TDRP: variants seen among roughly 807,000 people sequenced by gnomAD.
TDRP encodes the protein testis development-related protein.
A neutral mutation model predicts 10.5 loss-of-function variants in TDRP; 12 were observed. That is an observed-to-expected ratio of 1.15 (90% CI 0.73 to 1.86). TDRP has a LOEUF of 1.86. Ranked by LOEUF, TDRP falls within the 40% of genes most tolerant of loss-of-function variation. The probability of loss-of-function intolerance (pLI) is 0.00; values close to 1 mark genes in which losing one functional copy is unlikely to be tolerated. For missense variants in TDRP, 353 were observed against 229.2 expected (o/e 1.54, Z -3.49); for synonymous variants, 139 against 95.4 (o/e 1.46, Z -2.67).
chr8:536,582 G>C (rs1242621189), intron 1 of TDRP, among the ~76,000 whole-genome samples: 1 of 152,054 alleles, frequency 6.6e-6, no homozygotes, highest in African/African-American at 2.4e-5. Flanking sequence ...TCTTGTGCTG[G>C]TAAATGTAAA....
intron 1 of TDRP, among the ~76,000 whole-genome samples, chr8:535,116 A>G (rs1158680025): frequency 6.6e-6 from 1 of 152,224 alleles, no homozygotes; most frequent in South Asian, 2.1e-4. Context: ...CATCTGAAAG[A>G]TTAGAAAGCT....
At chr8:498,448 T>C (rs180980627) in intron 1 of TDRP, among the ~76,000 whole-genome samples, 1 of 152,204 alleles carries the variant, frequency 6.6e-6, no homozygotes, top group Non-Finnish European at 1.5e-5. Context: ...TCCCTTTTGT[T>C]GTGGGTGCAT....
intron 1 of TDRP, among the ~76,000 whole-genome samples, chr8:503,726 C>T (rs1244451163): frequency 6.7e-6 from 1 of 148,902 alleles, no homozygotes; most frequent in East Asian, 2.0e-4. Flanking sequence ...TCCAGAGCTA[C>T]ACATCAGAAC....
intron 1 of TDRP, among the ~76,000 whole-genome samples, chr8:533,752 C>T (rs1802270175): frequency 6.6e-6 from 1 of 152,050 alleles, no homozygotes; most frequent in African/African-American, 2.4e-5. Context: ...TTTTCTATCC[C>T]CCTCCCCCGA....
chr8:501,772 G>C (rs1801308859), intron 1 of TDRP, among the ~76,000 whole-genome samples: 1 of 152,204 alleles, frequency 6.6e-6, no homozygotes, highest in East Asian at 1.9e-4. Context: ...ACCATGTGCA[G>C]GGCCAGCATG....
At chr8:503,271 G>C (rs114922424) in intron 1 of TDRP, among the ~76,000 whole-genome samples, 2,513 of 123,974 alleles carry the variant, frequency 0.02, 33 homozygotes, top group Middle Eastern at 0.036. Context: ...AGCCACACTA[G>C]GGCAACCCAC....
chr8:524,957 C>A (rs1307103179), intron 1 of TDRP, among the ~76,000 whole-genome samples: 2 of 152,096 alleles, frequency 1.3e-5, no homozygotes, highest in Non-Finnish European at 2.9e-5. Context: ...TATTCAAGTA[C>A]AAGAAGATTA....
rs138597904 is a variant in TDRP at position 534,911 on chromosome 8, A to G, written c.108+9739T>C. On this transcript the variant is annotated intron_variant, in intron 1 of 2. Transcript: ENST00000324079. ...TGCCCAGCACATGGCAGGCACCAGTATCATTATCCAGGATTCTATCCTCCA... is the reference window on the plus strand; with the variant it reads ...TGCCCAGCACATGGCAGGCACCAGTGTCATTATCCAGGATTCTATCCTCCA... Among the ~76,000 whole-genome samples, 80 of 152,314 alleles carry G rather than the reference A, an allele frequency of 5.3e-4. 1 individual carries two copies. The East Asian group carries it at 0.015, about 29-fold the overall frequency.
At position 495,206 on chromosome 8, in the gene TDRP, GC is replaced by G. The variant is rs561102226; in HGVS notation, c.109-610del. On this transcript the variant is annotated intron_variant, in intron 1 of 2. Coordinates refer to ENST00000324079, the MANE Select transcript of TDRP (RefSeq NM_001384899.1). ...CTGTGATCTCACCACTGCACTCCAG[GC>G]TGGGCAACAGAGCAAGACCCCATCT... 8.0e-4 allele frequency among the ~76,000 whole-genome samples: 121 copies of G among 152,186 alleles called. 1 individual carries two copies. The South Asian group carries it at 0.015, about 19-fold the overall frequency.
chr8:534,386 G>C (rs1273797666), intron 1 of TDRP, among the ~76,000 whole-genome samples: 1 of 152,206 alleles, frequency 6.6e-6, no homozygotes, highest in African/African-American at 2.4e-5. Flanking sequence ...AACAATGTGT[G>C]ACCTTGTTTT....
At chr8:541,028 T>G (rs1021489276) in intron 1 of TDRP, among the ~76,000 whole-genome samples, 1 of 152,220 alleles carries the variant, frequency 6.6e-6, no homozygotes, top group Non-Finnish European at 1.5e-5. Context: ...ACAGATTCAT[T>G]AAATCCTATT....
Position 544,705 on chromosome 8 carries a change from T to C in TDRP, c.53A>G (p.Glu18Gly). ...RVLLDEPPEE[E>G]DGLRGGPPPA... is the part of the protein sequence containing the mutation. The stretch of plus-strand genomic sequence containing the variant: ...TGGCGGCCCCCCACGCAGGCCGTCC[T>C]CCTCCTCGGGGGGCTCGTCCAGCAG... The change falls in exon 1 of 3, where the codon GAG becomes GGG. Residue 18 changes from glutamate (E) to glycine (G), a missense_variant. Coordinates refer to ENST00000324079, the MANE Select transcript of TDRP (RefSeq NM_001384899.1). 8.0e-7 allele frequency: 1 copy of C among 1,246,000 alleles called. No individual in the cohort carries two copies. 77.2% of individuals were successfully genotyped at this position (1,246,000 alleles called of 1,614,324 possible).
At chr8:533,786 A>G (rs1453835806) in intron 1 of TDRP, among the ~76,000 whole-genome samples, 1 of 152,192 alleles carries the variant, frequency 6.6e-6, no homozygotes, top group Admixed American at 6.5e-5. Context: ...AGGGAAGTAT[A>G]TAAAGTATAG....
chr8:503,111 C>A (rs1328649030), intron 1 of TDRP, among the ~76,000 whole-genome samples: 3 of 150,288 alleles, frequency 2.0e-5, no homozygotes. Flanking sequence ...AAGCCACACA[C>A]TGGAACCAAT....
At chr8:501,261 A>G (rs1801291035) in intron 1 of TDRP, among the ~76,000 whole-genome samples, 1 of 152,152 alleles carries the variant, frequency 6.6e-6, no homozygotes, top group South Asian at 2.1e-4. Context: ...AGCTCACTGC[A>G]TGCCACATAA....
intron 2 of TDRP, among the ~76,000 whole-genome samples, chr8:493,171 T>TA (rs1490910226): frequency 3.3e-5 from 5 of 152,220 alleles, no homozygotes; most frequent in African/African-American, 1.2e-4. Context: ...GTCAAGCATT[T>TA]AGTAGGTAAT....
chr8:526,349 A>G lies in TDRP; in HGVS notation c.108+18301T>C, dbSNP rs116872431. On this transcript the variant is annotated intron_variant, in intron 1 of 2. Transcript: ENST00000324079. ...GTTGTCAGTATGATACTAGCTATGA[A>G]TCTGTTGCATATGGCTATTATTATG... Among the ~76,000 whole-genome samples, 152 of 152,236 alleles carry G rather than the reference A, an allele frequency of 1.0e-3. 3 individuals are homozygous for G. In the East Asian group the frequency reaches 0.026, roughly 26 times the overall value.
At chr8:506,612 C>G (rs1300393111) in intron 1 of TDRP, among the ~76,000 whole-genome samples, 1 of 152,194 alleles carries the variant, frequency 6.6e-6, no homozygotes, top group Non-Finnish European at 1.5e-5. Flanking sequence ...CGGTTCCACC[C>G]CAGGAGAAGC....
chr8:504,101 T>G (rs1187163124), intron 1 of TDRP, among the ~76,000 whole-genome samples: 1 of 152,138 alleles, frequency 6.6e-6, no homozygotes, highest in African/African-American at 2.4e-5. Context: ...CAGAGCCACG[T>G]GTCGGAACCC....
Sources: allele counts gnomAD v4.1 joint callset (sites outside exome capture counted in the v4.1 genomes callset), GRCh38; gene constraint gnomAD v4.1.1; transcripts MANE v1.5; gene names NCBI Gene and HGNC (gene_info 2026-07-23, HGNC 2026-07-21).